The following BICD2 variants were observed in gnomAD, a reference collection of about 807,000 sequenced individuals.
BICD2 encodes protein bicaudal D homolog 2.
A neutral mutation model predicts 72.9 loss-of-function variants in BICD2; 25 were observed. The ratio of observed to expected loss-of-function variants is 0.34; its 90% CI spans 0.25 to 0.48. BICD2 has a LOEUF of 0.48. BICD2 is among the 20% of genes least tolerant of loss of function. The pLI, the probability that BICD2 is intolerant of heterozygous loss-of-function variation, is 0.99. For missense variants in BICD2, 894 were observed against 1,175.2 expected, an observed-to-expected ratio of 0.76 and a Z score of 3.50; for synonymous variants, 501 against 516.1, an observed-to-expected ratio of 0.97 and a Z score of 0.40.
At chr9:92,730,731 G>A (rs536173424) in intron 1 of BICD2, among the ~76,000 whole-genome samples, 1 of 152,344 alleles carries the variant, frequency 6.6e-6, no homozygotes, top group East Asian at 1.9e-4. Flanking sequence ...AGCCCAGCAG[G>A]AAGACTGGTG....
chr9:92,743,481 T>A (rs557499467), intron 1 of BICD2, among the ~76,000 whole-genome samples: 1 of 151,062 alleles, frequency 6.6e-6, no homozygotes, highest in Admixed American at 6.6e-5. Context: ...ACGCACAAGA[T>A]ACCGTGTTCA....
At chr9:92,744,898 G>A (rs927619738) in intron 1 of BICD2, among the ~76,000 whole-genome samples, 1 of 152,082 alleles carries the variant, frequency 6.6e-6, no homozygotes, top group African/African-American at 2.4e-5. Context: ...CCCAAGGGAT[G>A]ACATATTTGC....
At chr9:92,725,061 C>A (rs1853539174) in intron 2 of BICD2, among the ~76,000 whole-genome samples, 1 of 152,192 alleles carries the variant, frequency 6.6e-6, no homozygotes, top group African/African-American at 2.4e-5. Flanking sequence ...GAAGTGAGAG[C>A]CCAGAAGCTT....
chr9:92,762,046 C>G (rs946155392), intron 1 of BICD2, among the ~76,000 whole-genome samples: 3 of 152,326 alleles, frequency 2.0e-5, no homozygotes, highest in Middle Eastern at 3.4e-3. Flanking sequence ...AGGCCAGCGT[C>G]CTTCCCTCAA....
chr9:92,748,552 G>A (rs1053199952), intron 1 of BICD2, among the ~76,000 whole-genome samples: 13 of 152,026 alleles, frequency 8.6e-5, no homozygotes, highest in Admixed American at 2.6e-4. Flanking sequence ...GCCAGAAATA[G>A]ACCTGTTGAC....
chr9:92,743,231 C>T (rs1333450541), intron 1 of BICD2, among the ~76,000 whole-genome samples: 1 of 152,146 alleles, frequency 6.6e-6, no homozygotes, highest in Non-Finnish European at 1.5e-5. Flanking sequence ...CTCACTCTGT[C>T]ACCCAGACTG....
chr9:92,724,277 A>C (rs1853522001), intron 2 of BICD2, among the ~76,000 whole-genome samples: 1 of 152,188 alleles, frequency 6.6e-6, no homozygotes, highest in Non-Finnish European at 1.5e-5. Flanking sequence ...AATGGAACAT[A>C]CTTTATAGAC....
chr9:92,713,508 T>C lies in BICD2; in HGVS notation c.*1646A>G. ...GCGTTAGAAAGCGGTCATCTGTCGC[T>C]TCCTGTTTATCTGACAATTGAAGCT... is the stretch of plus-strand genomic sequence containing the variant. On this transcript the variant is annotated 3_prime_UTR_variant, in exon 7 of 7. Transcript: ENST00000356884. 2 of 1,571,346 alleles carry C rather than the reference T, an allele frequency of 1.3e-6. No homozygotes were observed. The highest frequency in any genetic ancestry group is 2.3e-5 in the South Asian group (2 of 85,820).
intron 1 of BICD2, among the ~76,000 whole-genome samples, chr9:92,735,870 G>A (rs1158183373): frequency 3.9e-5 from 6 of 152,210 alleles, no homozygotes; most frequent in African/African-American, 7.2e-5. Context: ...AGAGGCTGCC[G>A]GTCCCTGTCA....
intron 6 of BICD2, among the ~76,000 whole-genome samples, chr9:92,716,714 G>A (rs149644857): frequency 2.0e-5 from 3 of 152,356 alleles, no homozygotes; most frequent in Non-Finnish European, 4.4e-5. Context: ...GAAAGACAGC[G>A]GTACCTGTCA....
Position 92,734,713 on chromosome 9 carries a change from C to T in BICD2, c.241-5477G>A, listed in dbSNP as rs77716571. 9.0e-3 allele frequency among the ~76,000 whole-genome samples: 1,365 copies of T among 152,190 alleles called. 22 individuals are homozygous for T. The highest frequency in any genetic ancestry group is 0.031 in the African/African-American group (1,277 of 41,502). ...ACCATCTGATTAAGGGGTCGCCAGC[C>T]GTGGGCTTGTCCTTGCAGCTTCCTT... is the stretch of plus-strand genomic sequence containing the variant. On this transcript the variant is annotated intron_variant, in intron 1 of 6. Transcript: ENST00000356884.
intron 1 of BICD2, among the ~76,000 whole-genome samples, chr9:92,760,781 C>G (rs925700713): frequency 5.9e-5 from 9 of 152,148 alleles, no homozygotes; most frequent in Non-Finnish European, 1.3e-4. Context: ...CACCACCCAG[C>G]CCCCTGAAAG....
chr9:92,715,559 T>C, intron 6 of BICD2, 96 bp from the exon 7 acceptor site: 1 of 1,243,136 alleles, frequency 8.0e-7, no homozygotes, highest in Non-Finnish European at 1.1e-6. Context: ...CTGACAGCCC[T>C]ATACCAGAGC....
Position 92,712,337 on chromosome 9 carries a change from C to T in BICD2, c.*2817G>A, listed in dbSNP as rs1226952369. The stretch of plus-strand genomic sequence containing the variant: ...GTCTGGGTGTGAGGAGCACCTGCCT[C>T]ACCTGCTGTCCACGCTGGCCTTCAG... On this transcript the variant is annotated 3_prime_UTR_variant, in exon 7 of 7. Coordinates refer to ENST00000356884, the MANE Select transcript of BICD2 (RefSeq NM_001003800.2). 2 of 152,714 alleles carry T rather than the reference C, an allele frequency of 1.3e-5. No individual in the cohort carries two copies. Among genetic ancestry groups the T allele is most frequent in the African/African-American group, 2.4e-5 (1 of 41,470 alleles). 9.5% of individuals were successfully genotyped at this position (152,714 alleles called of 1,614,324 possible).
intron 1 of BICD2, among the ~76,000 whole-genome samples, chr9:92,731,790 C>G (rs746470858): frequency 6.6e-6 from 1 of 152,190 alleles, no homozygotes; most frequent in Non-Finnish European, 1.5e-5. Context: ...ACTGAAGGAC[C>G]ACTGAGGGGG....
rs138142651 is a variant in BICD2, at chr9:92,730,686, G to C, written c.241-1450C>G. Among the ~76,000 whole-genome samples, 103 of 152,254 alleles carry C rather than the reference G, an allele frequency of 6.8e-4. No homozygotes were observed. The East Asian group carries it at 0.016, about 24-fold the overall frequency. On this transcript the variant is annotated intron_variant, in intron 1 of 6. Transcript: ENST00000356884. ...TGTGTGTGTGTCTCGTGGTGTTGCG[G>C]GGGACACCCCTAAACAAGGCTAACA...
intron 1 of BICD2, among the ~76,000 whole-genome samples, chr9:92,739,880 T>A (rs184721132): frequency 6.6e-6 from 1 of 152,312 alleles, no homozygotes; most frequent in East Asian, 1.9e-4. Flanking sequence ...AAGGTCTGCA[T>A]GTGCTGTTCA....
At chr9:92,740,224 G>A (rs188778124) in intron 1 of BICD2, among the ~76,000 whole-genome samples, 74 of 152,232 alleles carry the variant, frequency 4.9e-4, no homozygotes, top group African/African-American at 1.6e-3. Flanking sequence ...ATCACAAGAG[G>A]ATGCAGAATG....
chr9:92,728,907 A>G, intron 2 of BICD2, 117 bp downstream of exon 2: 1 of 1,116,282 alleles, frequency 9.0e-7, no homozygotes, highest in Non-Finnish European at 1.3e-6. Flanking sequence ...AAGACAGACC[A>G]GCCAGCTGCA....
Sources: gnomAD v4.1 joint callset for allele counts (sites outside exome capture counted in the v4.1 genomes callset) on GRCh38, gnomAD v4.1.1 for gene constraint, MANE v1.5 for transcripts, NCBI Gene and HGNC (gene_info 2026-07-23, HGNC 2026-07-21) for gene names.